The following GUCY1A2 variants were observed in gnomAD, a reference collection of about 807,000 sequenced individuals.
GUCY1A2 encodes the protein guanylate cyclase soluble subunit alpha-2.
A neutral mutation model predicts 63.5 loss-of-function variants in GUCY1A2; 27 were observed. The observed-to-expected ratio is 0.43, with a 90% CI of 0.31 to 0.59. GUCY1A2 has a LOEUF of 0.59. Among genes scored for constraint, GUCY1A2 ranks in the 20% least tolerant of loss-of-function variants. The pLI is 0.11. For synonymous variants in GUCY1A2, 364 were observed against 343.5 expected (o/e 1.06, Z -0.66); for missense variants, 768 against 913.3 (o/e 0.84, Z 2.05).
At chr11:106,895,738 T>C (rs1310082629) in intron 4 of GUCY1A2, among the ~76,000 whole-genome samples, 2 of 152,106 alleles carry the variant, frequency 1.3e-5, no homozygotes, top group Non-Finnish European at 2.9e-5. Context: ...CTAATACAAC[T>C]TCCTAACTCA....
intron 4 of GUCY1A2, among the ~76,000 whole-genome samples, chr11:106,891,954 T>G (rs567245655): frequency 9.9e-5 from 15 of 152,212 alleles, no homozygotes; most frequent in African/African-American, 3.6e-4. Flanking sequence ...TTTATTGGGA[T>G]GCACTGGAGT....
chr11:106,839,274 T>A (rs530256888), intron 4 of GUCY1A2, among the ~76,000 whole-genome samples: 84 of 152,060 alleles, frequency 5.5e-4, no homozygotes, highest in African/African-American at 2.0e-3. Context: ...TTGTCAAAGA[T>A]CAGATAGTTG....
intron 4 of GUCY1A2, among the ~76,000 whole-genome samples, chr11:106,852,159 G>A (rs956459037): frequency 5.9e-5 from 9 of 151,844 alleles, no homozygotes; most frequent in South Asian, 4.1e-4. Context: ...TTATTGGTGC[G>A]TAGAAATGCA....
At chr11:106,781,722 C>G (rs1864467552) in intron 5 of GUCY1A2, among the ~76,000 whole-genome samples, 1 of 150,318 alleles carries the variant, frequency 6.7e-6, no homozygotes, top group Non-Finnish European at 1.5e-5. Flanking sequence ...TGTCACCATG[C>G]CTGCCTTTTT....
chr11:106,863,001 T>A (rs1859534552), intron 4 of GUCY1A2, among the ~76,000 whole-genome samples: 1 of 152,054 alleles, frequency 6.6e-6, no homozygotes, highest in Non-Finnish European at 1.5e-5. Flanking sequence ...GGGACAGAGG[T>A]GGCTGGGGCT....
chr11:106,719,187 T>C (rs1031304215), intron 6 of GUCY1A2, among the ~76,000 whole-genome samples: 7 of 152,156 alleles, frequency 4.6e-5, no homozygotes, highest in African/African-American at 1.2e-4. Context: ...AGTTTCTATC[T>C]TGAGACTACC....
intron 3 of GUCY1A2, 34 bp from the exon 4 acceptor site, chr11:106,940,212 T>G: frequency 1.0e-6 from 1 of 953,676 alleles, no homozygotes; most frequent in Non-Finnish European, 1.6e-6. Flanking sequence ...GTTAGTGAAG[T>G]CTAATATAAA....
chr11:106,721,850 T>G (rs1207455920), intron 6 of GUCY1A2, among the ~76,000 whole-genome samples: 1 of 152,224 alleles, frequency 6.6e-6, no homozygotes, highest in Non-Finnish European at 1.5e-5. Flanking sequence ...GGCATCCTCC[T>G]CAGCCCCACT....
intron 4 of GUCY1A2, among the ~76,000 whole-genome samples, chr11:106,927,201 G>C (rs547742733): frequency 6.6e-6 from 1 of 151,614 alleles, no homozygotes; most frequent in East Asian, 2.0e-4. Flanking sequence ...GTGAAACCCT[G>C]TCTCTACTAA....
intron 4 of GUCY1A2, among the ~76,000 whole-genome samples, chr11:106,901,926 G>A (rs1860139637): frequency 6.6e-6 from 1 of 152,084 alleles, no homozygotes; most frequent in African/African-American, 2.4e-5. Context: ...TTGCTATTGT[G>A]AATAGTGCCG....
At chr11:106,783,112 C>T (rs541126166) in intron 5 of GUCY1A2, among the ~76,000 whole-genome samples, 6 of 152,194 alleles carry the variant, frequency 3.9e-5, no homozygotes, top group Non-Finnish European at 7.3e-5. Context: ...GATACACTGA[C>T]CCTCTTTGAA....
At position 106,675,838 on chromosome 11, in the gene GUCY1A2, A is replaced by G; in HGVS notation, c.*11711T>C. On this transcript the variant is annotated 3_prime_UTR_variant, in exon 8 of 8. Transcript: ENST00000526355. Reference sequence around the variant, plus strand: ...CAATTTCAAAATAAGTCAGTATAGGATAAACAAAAGTTAACAGAGAAATTC... The same window carrying G: ...CAATTTCAAAATAAGTCAGTATAGGGTAAACAAAAGTTAACAGAGAAATTC... 1 of 188,818 alleles carries G rather than the reference A, an allele frequency of 5.3e-6. No homozygotes were observed. The highest frequency in any genetic ancestry group is 8.5e-5 in the East Asian group (1 of 11,816). The allele number at this position is 188,818 out of a possible 1,614,324, so 11.7% of individuals were successfully genotyped here. A position where few individuals can be genotyped will look rare whatever the true frequency, so the allele number is the denominator to read the frequency against.
chr11:106,933,836 G>A (rs990371578), intron 4 of GUCY1A2, among the ~76,000 whole-genome samples: 1 of 152,126 alleles, frequency 6.6e-6, no homozygotes, highest in Admixed American at 6.6e-5. Flanking sequence ...ACCATTCTAA[G>A]CAAACAAACA....
intron 7 of GUCY1A2, 111 bp downstream of exon 7, chr11:106,708,401 A>G (rs977823737): frequency 4.0e-5 from 33 of 834,780 alleles, no homozygotes; most frequent in Admixed American, 5.7e-5. Context: ...TTCTACTCAT[A>G]ATATCTTGGA....
intron 7 of GUCY1A2, among the ~76,000 whole-genome samples, chr11:106,699,738 C>A (rs887614755): frequency 2.0e-5 from 3 of 151,992 alleles, no homozygotes; most frequent in Admixed American, 6.6e-5. Context: ...CAAACCTATG[C>A]CAAATAATAA....
At position 106,871,781 on chromosome 11, in the gene GUCY1A2, C is replaced by A. The variant is rs1302389187; in HGVS notation, c.1207-61303G>T. On this transcript the variant is annotated intron_variant, in intron 4 of 7. Coordinates refer to ENST00000526355, the MANE Select transcript of GUCY1A2 (RefSeq NM_000855.3). ...TTCTATTTGCTTTAAGGTTATTATA[C>A]TATTTGATCTGGGTAATGTCAAAGA... Among the ~76,000 whole-genome samples, 4 of 152,200 alleles carry A rather than the reference C, an allele frequency of 2.6e-5. No homozygotes were observed. The East Asian group carries it at 7.7e-4, about 29-fold the overall frequency.
At chr11:106,901,709 T>G (rs1482904686) in intron 4 of GUCY1A2, among the ~76,000 whole-genome samples, 1 of 147,612 alleles carries the variant, frequency 6.8e-6, no homozygotes, top group African/African-American at 2.5e-5. Context: ...ATTGTTCAAT[T>G]CCCACGTATG....
At chr11:106,757,077 C>G (rs1372390877) in intron 6 of GUCY1A2, among the ~76,000 whole-genome samples, 1 of 152,132 alleles carries the variant, frequency 6.6e-6, no homozygotes, top group Non-Finnish European at 1.5e-5. Context: ...ATCTTGTATT[C>G]TCACTTTATT....
intron 3 of GUCY1A2, among the ~76,000 whole-genome samples, chr11:106,973,996 G>A (rs540139416): frequency 6.6e-6 from 1 of 152,074 alleles, no homozygotes; most frequent in Non-Finnish European, 1.5e-5. Flanking sequence ...GGTAAGGAAA[G>A]ATGAAGTAAA....
Sources: gnomAD v4.1 joint callset for allele counts (sites outside exome capture counted in the v4.1 genomes callset) on GRCh38, gnomAD v4.1.1 for gene constraint, MANE v1.5 for transcripts, NCBI Gene and HGNC (gene_info 2026-07-23, HGNC 2026-07-21) for gene names.